The following DENND2B variants were observed in gnomAD, a reference collection of about 807,000 sequenced individuals.
The protein encoded by DENND2B is DENN domain-containing protein 2B.
A neutral mutation model predicts 116.0 loss-of-function variants in DENND2B; 32 were observed. That is an observed-to-expected ratio of 0.28 (90% confidence interval 0.21 to 0.37). DENND2B has a LOEUF of 0.37. Ranked by LOEUF, DENND2B falls within the 10% of genes least tolerant of loss-of-function variation. DENND2B has a pLI of 1.00. For missense variants in DENND2B, 1,276 were observed against 1,477.7 expected (o/e 0.86, Z 2.24); for synonymous variants, 588 against 583.9 (o/e 1.01, Z -0.10).
At chr11:8,893,825 A>C (rs2064064200) in intron 1 of DENND2B, among the ~76,000 whole-genome samples, 1 of 152,146 alleles carries the variant, frequency 6.6e-6, no homozygotes, top group Admixed American at 6.5e-5. Flanking sequence ...ATACTACCCA[A>C]GGTAATTTAT....
At chr11:8,837,496 C>T (rs952586853) in intron 4 of DENND2B, among the ~76,000 whole-genome samples, 9 of 151,762 alleles carry the variant, frequency 5.9e-5, no homozygotes, top group South Asian at 2.1e-4. Flanking sequence ...TACAGGCGCC[C>T]GCCACCATGC....
At chr11:8,750,947 C>T (rs1218776998) in intron 1 of DENND2B, among the ~76,000 whole-genome samples, 1 of 152,214 alleles carries the variant, frequency 6.6e-6, no homozygotes, top group African/African-American at 2.4e-5. Context: ...ATTGTGAGTG[C>T]ACCAATCAGC....
intron 1 of DENND2B, among the ~76,000 whole-genome samples, chr11:8,773,644 G>A (rs2057250216): frequency 6.6e-6 from 1 of 152,200 alleles, no homozygotes; most frequent in South Asian, 2.1e-4. Flanking sequence ...AGCTGAGGCA[G>A]AGCAGAACTG....
chr11:8,713,920 C>T, intron 8 of DENND2B, 78 bp downstream of exon 8: 1 of 1,505,732 alleles, frequency 6.6e-7, no homozygotes, highest in South Asian at 1.1e-5. Flanking sequence ...ACTGGAACCA[C>T]ACATGCATCG....
intron 1 of DENND2B, among the ~76,000 whole-genome samples, chr11:8,906,822 C>T (rs920816229): frequency 5.9e-5 from 9 of 152,170 alleles, no homozygotes; most frequent in Admixed American, 5.9e-4. Context: ...GTCTGTAATA[C>T]TACCTTACAA....
intron 4 of DENND2B, among the ~76,000 whole-genome samples, chr11:8,826,156 G>A (rs1044761072): frequency 1.3e-5 from 2 of 152,116 alleles, no homozygotes; most frequent in Non-Finnish European, 2.9e-5. Flanking sequence ...AATAAAGAAC[G>A]CTCACAGAAA....
intron 4 of DENND2B, among the ~76,000 whole-genome samples, chr11:8,822,809 T>C (rs10840132): frequency 0.26 from 39,374 of 152,156 alleles, 5,379 homozygotes; most frequent in South Asian, 0.36. Flanking sequence ...AGCATATTCA[T>C]CTTTGAATTT....
At chr11:8,745,908 C>T (rs2051158078) in intron 2 of DENND2B, among the ~76,000 whole-genome samples, 1 of 152,232 alleles carries the variant, frequency 6.6e-6, no homozygotes, top group Non-Finnish European at 1.5e-5. Flanking sequence ...TTCAAGCTAC[C>T]CCCAGCTGAT....
chr11:8,759,258 G>A (rs1246603204), intron 1 of DENND2B, among the ~76,000 whole-genome samples: 2 of 152,212 alleles, frequency 1.3e-5, no homozygotes, highest in Non-Finnish European at 2.9e-5. Flanking sequence ...CTAAATGTCT[G>A]TCTGATACTT....
chr11:8,821,871 A>G (rs2061780727), intron 4 of DENND2B, among the ~76,000 whole-genome samples: 1 of 152,082 alleles, frequency 6.6e-6, no homozygotes, highest in Non-Finnish European at 1.5e-5. Context: ...GGCTCACTGC[A>G]ACCTCTGCCT....
intron 3 of DENND2B, among the ~76,000 whole-genome samples, chr11:8,844,599 A>AAAT (rs76506961): frequency 0.27 from 40,151 of 150,416 alleles, 5,686 homozygotes; most frequent in East Asian, 0.54. Context: ...TTTTATCCTA[A>AAAT]TATTTATGCT....
In DENND2B at chr11:8,712,442, C is replaced by A. The variant is rs982841297; in HGVS notation, c.2172+109G>T. On this transcript the variant is annotated intron_variant, in intron 9 of 19. Transcript: ENST00000313726. The surrounding 1 kb of genome is among the most constrained non-coding windows in gnomAD (Gnocchi z 4.4). ...AGGCAGGTTCAGGGCTGTGGCAGCTCGGTGAGGACGTATGACGAACAAGAT... is the reference window on the plus strand; with the variant it reads ...AGGCAGGTTCAGGGCTGTGGCAGCTAGGTGAGGACGTATGACGAACAAGAT... 1.6e-6 allele frequency: 2 copies of A among 1,267,368 alleles called. No individual in the cohort carries two copies. Among genetic ancestry groups the A allele is most frequent in the African/African-American group, 1.5e-5 (1 of 66,698 alleles). 78.5% of individuals were successfully genotyped at this position (1,267,368 alleles called of 1,614,324 possible). A position where few individuals can be genotyped will look rare whatever the true frequency, so the allele number is the denominator to read the frequency against.
intron 2 of DENND2B, among the ~76,000 whole-genome samples, chr11:8,733,254 T>C (rs2048409006): frequency 6.6e-6 from 1 of 152,214 alleles, no homozygotes; most frequent in South Asian, 2.1e-4. Context: ...TCACAGTTCA[T>C]GGAGGCCTTA....
intron 1 of DENND2B, among the ~76,000 whole-genome samples, chr11:8,767,463 T>G (rs2056051240): frequency 6.6e-6 from 1 of 152,222 alleles, no homozygotes. Flanking sequence ...ATTTGGAGAC[T>G]ATCAATTCTT....
chr11:8,751,930 T>G (rs910557673), intron 1 of DENND2B, among the ~76,000 whole-genome samples: 1 of 152,184 alleles, frequency 6.6e-6, no homozygotes, highest in Non-Finnish European at 1.5e-5. Flanking sequence ...AAGAAAAAAG[T>G]CACCTCATTC....
intron 1 of DENND2B, among the ~76,000 whole-genome samples, chr11:8,884,923 G>A (rs568113076): frequency 6.6e-6 from 1 of 152,296 alleles, no homozygotes; most frequent in South Asian, 2.1e-4. Context: ...GAGAGGAAAG[G>A]AAGATGGGAA....
chr11:8,869,208 A>G (rs138263045), intron 2 of DENND2B, among the ~76,000 whole-genome samples: 1 of 152,220 alleles, frequency 6.6e-6, no homozygotes, highest in African/African-American at 2.4e-5. Flanking sequence ...AGCCAATCCA[A>G]TCTAAGCGTT....
At chr11:8,742,492 C>A (rs950028100) in intron 2 of DENND2B, among the ~76,000 whole-genome samples, 1 of 152,080 alleles carries the variant, frequency 6.6e-6, no homozygotes, top group Non-Finnish European at 1.5e-5. Context: ...AAAGAAGGAA[C>A]CCTTATAGTG....
chr11:8,713,939 G>A (rs1297658517), intron 8 of DENND2B, 59 bp downstream of exon 8: 2 of 1,580,632 alleles, frequency 1.3e-6, no homozygotes, highest in East Asian at 2.2e-5. Flanking sequence ...CGGAAGGGAA[G>A]GCTGATTCCC....
Sources: gnomAD v4.1 joint callset for allele counts (sites outside exome capture counted in the v4.1 genomes callset) on GRCh38, gnomAD v4.1.1 for gene constraint, Gnocchi (gnomAD v3.1) non-coding constraint, MANE v1.5 for transcripts, NCBI Gene and HGNC (gene_info 2026-07-23, HGNC 2026-07-21) for gene names.